HMCN2: variants seen among roughly 807,000 people sequenced by gnomAD.
HMCN2 encodes the protein hemicentin 2.
In HMCN2, 325 loss-of-function variants were observed where a neutral mutation model predicts 377.5. That is an observed-to-expected ratio of 0.86 (90% CI 0.79 to 0.94). The LOEUF (loss-of-function observed/expected upper bound fraction) is 0.94. Ranked by LOEUF, HMCN2 falls within the 40% of genes least tolerant of loss-of-function variation. The pLI, the probability that HMCN2 is intolerant of heterozygous loss-of-function variation, is 0.00. For synonymous variants in HMCN2, 2,007 were observed against 2,046.8 expected, an observed-to-expected ratio of 0.98 and a Z score of 0.53; for missense variants, 4,543 against 4,725.3, an observed-to-expected ratio of 0.96 and a Z score of 1.13.
At position 130,362,016 on chromosome 9, in the gene HMCN2, C is replaced by T. The variant is rs973039782; in HGVS notation, c.5959C>T (p.Arg1987Ter). Residue 1987 changes from arginine (R) to a stop codon, truncating the protein, a stop_gained, in exon 39 of 98, where the codon CGA (arginine) becomes TGA (stop). Coordinates refer to ENST00000683500, the MANE Select transcript of HMCN2 (RefSeq NM_001291815.2). LOFTEE classifies it high-confidence loss of function. ...TCACCCCTGCCCTGCAGTGCCCCCT[C>T]GAATCACACTGCCACCCAGCCTGCC... is the stretch of plus-strand genomic sequence containing the variant. ...RYGLRVNVPPRITLPPSLPGP... is the reference protein window; with the variant it reads ...RYGLRVNVPP 1.9e-5 allele frequency: 19 copies of T among 985,986 alleles called. No individual in the cohort carries two copies. Among genetic ancestry groups the T allele is most frequent in the South Asian group, 9.4e-5 (2 of 21,292 alleles). The allele number at this position is 985,986 out of a possible 1,614,324, so 61.1% of individuals were successfully genotyped here.
At chr9:130,287,615 T>C (rs1554928453) in intron 4 of HMCN2, among the ~76,000 whole-genome samples, 1 of 150,308 alleles carries the variant, frequency 6.7e-6, no homozygotes, top group Non-Finnish European at 1.5e-5. Context: ...CAGCTCCCTG[T>C]GCTACTTTGC....
At chr9:130,344,275 A>C (rs1839221025) in intron 25 of HMCN2, among the ~76,000 whole-genome samples, 1 of 151,582 alleles carries the variant, frequency 6.6e-6, no homozygotes, top group African/African-American at 2.4e-5. Flanking sequence ...GCGAATGTGT[A>C]GTGTGTGTAT....
At chr9:130,302,736 G>C (rs1159677984) in intron 8 of HMCN2, 121 bp from the exon 9 acceptor site, 6 of 310,540 alleles carry the variant, frequency 1.9e-5, no homozygotes, top group African/African-American at 1.3e-4. Context: ...GAGGTGACCA[G>C]GGGAGCCAGG....
chr9:130,313,660 G>T (rs949057260), intron 15 of HMCN2, among the ~76,000 whole-genome samples: 377 of 152,198 alleles, frequency 2.5e-3, no homozygotes, highest in Non-Finnish European at 3.4e-3. Flanking sequence ...GTGAGGTGGG[G>T]CGACTCGTCA....
intron 49 of HMCN2, among the ~76,000 whole-genome samples, chr9:130,375,103 C>A (rs1841300925): frequency 1.3e-5 from 2 of 152,230 alleles, no homozygotes; most frequent in Admixed American, 6.5e-5. Context: ...GGGCACAGAC[C>A]AGCTTAGAAA....
chr9:130,339,564 G>A, intron 23 of HMCN2, among the ~76,000 whole-genome samples: 1 of 152,322 alleles, frequency 6.6e-6, no homozygotes, highest in Middle Eastern at 3.4e-3. Context: ...CTGCTGACTG[G>A]CTGTGTGACC....
chr9:130,331,636 A>G (rs1270885381), intron 22 of HMCN2, among the ~76,000 whole-genome samples: 4 of 152,052 alleles, frequency 2.6e-5, no homozygotes, highest in African/African-American at 9.7e-5. Flanking sequence ...TCAGCCTTTC[A>G]GTTTGAGAAA....
Position 130,401,429 on chromosome 9 carries a change from T to G in HMCN2, c.11770+482T>G, listed in dbSNP as rs532380412. Among the ~76,000 whole-genome samples the G allele has an allele frequency of 3.3e-5, 5 of 152,280 alleles. No homozygotes were observed. In the South Asian group the frequency reaches 1.0e-3, roughly 32 times the overall value. On this transcript the variant is annotated intron_variant, in intron 77 of 97. Transcript: ENST00000683500. ...GCCTCCACCTCCCAGGTTCAAGGGATTCTCCTGGCTCAGCTTCCCAGGTAG... is the reference window on the plus strand; with the variant it reads ...GCCTCCACCTCCCAGGTTCAAGGGAGTCTCCTGGCTCAGCTTCCCAGGTAG...
intron 79 of HMCN2, 96 bp from the exon 80 acceptor site, chr9:130,403,645 C>T: frequency 8.5e-7 from 1 of 1,176,088 alleles, no homozygotes; most frequent in Admixed American, 2.8e-5. Context: ...CCCAGCAAGT[C>T]ATTTGCTGCC....
At chr9:130,368,568 G>A (rs1840826656) in intron 44 of HMCN2, 131 bp downstream of exon 44, 1 of 332,114 alleles carries the variant, frequency 3.0e-6, no homozygotes, top group African/African-American at 2.2e-5. Flanking sequence ...TCACGTTCCT[G>A]GTGTGTGAGT....
Position 130,419,776 on chromosome 9 carries a change from C to T in HMCN2, c.13231+735C>T, listed in dbSNP as rs140358545. 2.0e-4 allele frequency among the ~76,000 whole-genome samples: 31 copies of T among 152,188 alleles called. No homozygotes were observed. The East Asian group carries it at 4.6e-3, about 23-fold the overall frequency. On this transcript the variant is annotated intron_variant, in intron 86 of 97. Coordinates refer to ENST00000683500, the MANE Select transcript of HMCN2 (RefSeq NM_001291815.2). ...GACATCACTAATCTATCACCACATGCGTTGGCAGAATCTTTCTCCAATGAG... is the reference window on the plus strand; with the variant it reads ...GACATCACTAATCTATCACCACATGTGTTGGCAGAATCTTTCTCCAATGAG...
chr9:130,413,752 C>T (rs755541918), intron 85 of HMCN2, among the ~76,000 whole-genome samples: 18 of 152,010 alleles, frequency 1.2e-4, no homozygotes, highest in African/African-American at 1.9e-4. Flanking sequence ...CGCACACACA[C>T]GCACACACAC....
At chr9:130,419,777 G>T (rs182611324) in intron 86 of HMCN2, among the ~76,000 whole-genome samples, 2 of 152,012 alleles carry the variant, frequency 1.3e-5, no homozygotes, top group African/African-American at 2.4e-5. Flanking sequence ...CACCACATGC[G>T]TTGGCAGAAT....
chr9:130,266,157 G>T lies in HMCN2; in HGVS notation c.259+20G>T. 2.2e-6 allele frequency: 1 copy of T among 458,124 alleles called. No homozygotes were observed. 28.4% of individuals were successfully genotyped at this position (458,124 alleles called of 1,614,324 possible). ...ACCCAGGTAGCGCCCCCGCACCCCC[G>T]CCCGCCGGGCGCCCCCTTCGAGGTG... On this transcript the variant is annotated intron_variant, in intron 1 of 97. Transcript: ENST00000683500.
At chr9:130,324,965 C>T (rs1037915689) in intron 19 of HMCN2, among the ~76,000 whole-genome samples, 128 of 141,862 alleles carry the variant, frequency 9.0e-4, no homozygotes, top group African/African-American at 3.0e-3. Context: ...ATGCAGTGAC[C>T]CATCACTGCA....
In HMCN2 at chr9:130,422,475, G is replaced by A. The variant is rs1185806199; in HGVS notation, c.13232-102G>A. On this transcript the variant is annotated intron_variant, in intron 86 of 97. Transcript: ENST00000683500. This position sits in a 1 kb window ranked among gnomAD's most constrained non-coding sequence, Gnocchi z 4.2. ...GGACAAGTGGAGGTGAACTCTCCGAGCCTCCATTTACTCCTTCACGAAATG... is the reference window on the plus strand; with the variant it reads ...GGACAAGTGGAGGTGAACTCTCCGAACCTCCATTTACTCCTTCACGAAATG... 1.1e-5 allele frequency: 10 copies of A among 887,042 alleles called. No individual in the cohort carries two copies. Among genetic ancestry groups the A allele is most frequent in the Non-Finnish European group, 4.5e-6 (3 of 663,224 alleles). The allele number at this position is 887,042 out of a possible 1,614,324, so 54.9% of individuals were successfully genotyped here.
rs1844881221 is a variant in HMCN2 at position 130,433,376 on chromosome 9, T to G, written c.14923T>G (p.Cys4975Gly). Residue 4975 changes from cysteine to glycine, a missense_variant, in exon 98 of 98, where the codon TGC becomes GGC. Physicochemically the swap from Cys to Gly is radical, Grantham distance 159 (BLOSUM62 -3). Coordinates refer to ENST00000683500, the MANE Select transcript of HMCN2 (RefSeq NM_001291815.2). ...GTGCTTCCGGCGCTGCTCGCAGGAC[T>G]GCGGCACGGGCGGCCCCTCTACGCT... ...GTCFRRCSQD[C>G]GTGGPSTLQY... 2 of 1,477,472 alleles carry G rather than the reference T, an allele frequency of 1.4e-6. No homozygotes were observed. The highest frequency in any genetic ancestry group is 2.6e-5 in the South Asian group (2 of 77,472). The allele number at this position is 1,477,472 out of a possible 1,614,324, so 91.5% of individuals were successfully genotyped here.
In HMCN2 at chr9:130,375,749, G is replaced by C. The variant is rs185011513; in HGVS notation, c.7804+13G>C. 45 of 985,318 alleles carry C rather than the reference G, an allele frequency of 4.6e-5. No homozygotes were observed. Among genetic ancestry groups the C allele is most frequent in the Non-Finnish European group, 4.3e-5 (36 of 829,614 alleles). The allele number at this position is 985,318 out of a possible 1,614,324, so 61.0% of individuals were successfully genotyped here. ...CAGCTGCTCCCAGGTGACGCCCTCTGGGGGGAAAGGAGGGAGGGAACAGGT... is the reference window on the plus strand; with the variant it reads ...CAGCTGCTCCCAGGTGACGCCCTCTCGGGGGAAAGGAGGGAGGGAACAGGT... On this transcript the variant is annotated intron_variant, in intron 50 of 97. Transcript: ENST00000683500.
chr9:130,403,517 A>T (rs1842954027), intron 79 of HMCN2, among the ~76,000 whole-genome samples, 189 bp downstream of exon 79: 1 of 152,036 alleles, frequency 6.6e-6, no homozygotes, highest in South Asian at 2.1e-4. Context: ...TCCTGTCACC[A>T]TGGCCTGAGA....
Sources: gnomAD v4.1 joint callset for allele counts (sites outside exome capture counted in the v4.1 genomes callset) on GRCh38, gnomAD v4.1.1 for gene constraint, Gnocchi (gnomAD v3.1) non-coding constraint, MANE v1.5 for transcripts, NCBI Gene and HGNC (gene_info 2026-07-23, HGNC 2026-07-21) for gene names.